NUBPL: variants seen among roughly 807,000 people sequenced by gnomAD.
NUBPL encodes the protein NUBP iron-sulfur cluster assembly factor, mitochondrial.
A neutral mutation model predicts 45.7 loss-of-function variants in NUBPL; 31 were observed. The ratio of observed to expected loss-of-function variants is 0.68; its 90% CI spans 0.51 to 0.92. NUBPL has a LOEUF of 0.92. Ranked by LOEUF, NUBPL falls within the 40% of genes least tolerant of loss-of-function variation. NUBPL has a pLI of 0.00. For synonymous variants in NUBPL, 144 were observed against 140.9 expected, an observed-to-expected ratio of 1.02 and a Z score of -0.15; for missense variants, 401 against 398.7, an observed-to-expected ratio of 1.01 and a Z score of -0.05.
At chr14:31,745,910 T>G (rs919224544) in intron 6 of NUBPL, among the ~76,000 whole-genome samples, 2 of 152,096 alleles carry the variant, frequency 1.3e-5, no homozygotes, top group African/African-American at 4.8e-5. Flanking sequence ...CACAGGTGTC[T>G]CACGACCCAG....
chr14:31,748,488 G>C (rs1280432230), intron 6 of NUBPL, among the ~76,000 whole-genome samples: 15 of 152,090 alleles, frequency 9.9e-5, no homozygotes, highest in Admixed American at 9.8e-4. Context: ...TGTTGTAGGT[G>C]TGTAGATATT....
chr14:31,816,163 C>T (rs1344282238), intron 7 of NUBPL, among the ~76,000 whole-genome samples: 3 of 152,064 alleles, frequency 2.0e-5, no homozygotes, highest in Non-Finnish European at 4.4e-5. Flanking sequence ...CCATCTGATC[C>T]TCGCTTTTAT....
chr14:31,780,843 C>A (rs779188049), intron 6 of NUBPL, among the ~76,000 whole-genome samples: 1 of 152,048 alleles, frequency 6.6e-6, no homozygotes, highest in Non-Finnish European at 1.5e-5. Flanking sequence ...TGACATATAC[C>A]CCAACATATC....
intron 4 of NUBPL, among the ~76,000 whole-genome samples, chr14:31,603,715 T>C (rs1432952670): frequency 6.6e-6 from 1 of 152,204 alleles, no homozygotes; most frequent in African/African-American, 2.4e-5. Context: ...GATGTTAACA[T>C]TGACCCTAGC....
At chr14:31,737,752 C>G (rs914602639) in intron 6 of NUBPL, among the ~76,000 whole-genome samples, 14 of 152,262 alleles carry the variant, frequency 9.2e-5, no homozygotes, top group African/African-American at 2.9e-4. Flanking sequence ...CCACTTCGCT[C>G]TAGCCTGGGT....
chr14:31,676,073 A>G (rs2036688771), intron 6 of NUBPL, among the ~76,000 whole-genome samples: 1 of 150,734 alleles, frequency 6.6e-6, no homozygotes, highest in South Asian at 2.1e-4. Flanking sequence ...CCCAGTCTGG[A>G]GTGCAATAGT....
chr14:31,671,810 T>C (rs1476151959), intron 4 of NUBPL, among the ~76,000 whole-genome samples: 1 of 152,226 alleles, frequency 6.6e-6, no homozygotes, highest in Non-Finnish European at 1.5e-5. Flanking sequence ...GAATGGAATA[T>C]GGCAGAGGAT....
intron 4 of NUBPL, among the ~76,000 whole-genome samples, chr14:31,602,484 C>T (rs191453058): frequency 1.2e-4 from 18 of 150,750 alleles, no homozygotes; most frequent in East Asian, 7.7e-4. Flanking sequence ...TCTCTGAACA[C>T]GTAGAGCACC....
intron 7 of NUBPL, among the ~76,000 whole-genome samples, chr14:31,788,502 T>C (rs1211187415): frequency 1.3e-5 from 2 of 152,192 alleles, no homozygotes; most frequent in East Asian, 3.8e-4. Context: ...TGCACATGTG[T>C]GTGCCCAGTG....
At chr14:31,602,237 T>G (rs1328472140) in intron 4 of NUBPL, among the ~76,000 whole-genome samples, 2 of 149,088 alleles carry the variant, frequency 1.3e-5, no homozygotes, top group East Asian at 2.0e-4. Flanking sequence ...TGGGGACTGT[T>G]GTGGGGTGGG....
chr14:31,703,084 T>C (rs1430524488), intron 6 of NUBPL: 1 of 152,236 alleles, frequency 6.6e-6, no homozygotes, highest in Non-Finnish European at 1.5e-5. Flanking sequence ...CAGCTTCTAC[T>C]CTAATACTTA....
Position 31,799,811 on chromosome 14 carries a change from A to G in NUBPL, c.607+11938A>G, listed in dbSNP as rs185449551. 8.9e-3 allele frequency among the ~76,000 whole-genome samples: 1,349 copies of G among 152,306 alleles called. 23 individuals carry two copies. The highest frequency in any genetic ancestry group is 0.031 in the African/African-American group (1,271 of 41,554). On this transcript the variant is annotated intron_variant, in intron 7 of 10. Transcript: ENST00000281081. The stretch of plus-strand genomic sequence containing the variant: ...GTTGCTGACGGTTGGAGTGGCTGCG[A>G]CATTTTCTTAAAATAAGACAACAAA...
At chr14:31,738,987 A>G (rs1225453160) in intron 6 of NUBPL, among the ~76,000 whole-genome samples, 3 of 151,312 alleles carry the variant, frequency 2.0e-5, no homozygotes, top group Admixed American at 6.6e-5. Context: ...TATAATAGAC[A>G]TATGTAGAGT....
At chr14:31,779,346 A>G (rs1426836087) in intron 6 of NUBPL, among the ~76,000 whole-genome samples, 1 of 152,116 alleles carries the variant, frequency 6.6e-6, no homozygotes, top group African/African-American at 2.4e-5. Context: ...CTCAAAAAAA[A>G]AAAGAAGAAG....
At chr14:31,834,618 A>T (rs1478646838) in intron 8 of NUBPL, among the ~76,000 whole-genome samples, 1 of 152,164 alleles carries the variant, frequency 6.6e-6, no homozygotes, top group Non-Finnish European at 1.5e-5. Context: ...GAGACTGGAG[A>T]TATATGCTTA....
intron 7 of NUBPL, among the ~76,000 whole-genome samples, chr14:31,823,773 T>C (rs1263941236): frequency 6.6e-6 from 1 of 152,092 alleles, no homozygotes; most frequent in Non-Finnish European, 1.5e-5. Context: ...CAGCCAGAGC[T>C]AGAATTTGAT....
intron 6 of NUBPL, among the ~76,000 whole-genome samples, chr14:31,694,929 T>C (rs2037180019): frequency 6.6e-6 from 1 of 152,252 alleles, no homozygotes; most frequent in Admixed American, 6.5e-5. Context: ...AGCCTTTAGT[T>C]ACAGATCTAC....
intron 3 of NUBPL, among the ~76,000 whole-genome samples, chr14:31,589,928 T>G (rs1446781876): frequency 6.6e-6 from 1 of 152,250 alleles, no homozygotes; most frequent in Non-Finnish European, 1.5e-5. Context: ...TGCAGCTTGC[T>G]GTCAGTAATT....
intron 6 of NUBPL, among the ~76,000 whole-genome samples, chr14:31,711,327 G>C (rs117745933): frequency 7.7e-4 from 117 of 152,282 alleles, no homozygotes; most frequent in African/African-American, 2.7e-3. Flanking sequence ...CCTGACACCC[G>C]TGTCTTTAGT....
Sources: gnomAD v4.1 joint callset for allele counts (sites outside exome capture counted in the v4.1 genomes callset) on GRCh38, gnomAD v4.1.1 for gene constraint, MANE v1.5 for transcripts, NCBI Gene and HGNC (gene_info 2026-07-23, HGNC 2026-07-21) for gene names.